Variants in PDE3B observed in about 807,000 individuals in gnomAD.
The protein encoded by PDE3B is cGMP-inhibited 3',5'-cyclic phosphodiesterase 3B.
PDE3B carries 66 observed loss-of-function variants against 116.8 expected under a neutral mutation model. The observed-to-expected ratio is 0.56, with a 90% confidence interval of 0.46 to 0.69. The LOEUF (loss-of-function observed/expected upper bound fraction) is 0.69, where lower values mean the gene tolerates loss of function less well. Ranked by LOEUF, PDE3B falls within the 30% of genes least tolerant of loss-of-function variation. PDE3B has a pLI of 0.00. For missense variants in PDE3B, 1,384 were observed against 1,368.1 expected (o/e 1.01, Z -0.18); for synonymous variants, 595 against 533.6 (o/e 1.12, Z -1.59).
At chr11:14,702,888 G>A (rs1319336254) in intron 1 of PDE3B, among the ~76,000 whole-genome samples, 1 of 151,846 alleles carries the variant, frequency 6.6e-6, no homozygotes, top group African/African-American at 2.4e-5. Flanking sequence ...TTGATTAAGA[G>A]TTGCTCCTAG....
intron 1 of PDE3B, among the ~76,000 whole-genome samples, chr11:14,714,428 T>A (rs1855810484): frequency 6.6e-6 from 1 of 151,388 alleles, no homozygotes. Context: ...TCGTCCCAGC[T>A]ACTCAGGGTA....
At chr11:14,730,920 G>A (rs2133853717) in intron 1 of PDE3B, among the ~76,000 whole-genome samples, 1 of 149,904 alleles carries the variant, frequency 6.7e-6, no homozygotes, top group East Asian at 1.9e-4. Flanking sequence ...CTGAATCATA[G>A]AGAGGTTAAG....
chr11:14,780,854 T>C (rs1406257302), intron 2 of PDE3B, among the ~76,000 whole-genome samples: 1 of 152,008 alleles, frequency 6.6e-6, no homozygotes, highest in Non-Finnish European at 1.5e-5. Context: ...AAAAAACCCT[T>C]CAAAAAATCA....
intron 1 of PDE3B, among the ~76,000 whole-genome samples, chr11:14,650,882 C>T (rs1448173469): frequency 6.6e-6 from 1 of 151,820 alleles, no homozygotes; most frequent in Admixed American, 6.6e-5. Context: ...ATTGAAGCCC[C>T]ACCAGCACCT....
At chr11:14,866,816 T>C (rs1471326214) in intron 14 of PDE3B, among the ~76,000 whole-genome samples, 1 of 152,204 alleles carries the variant, frequency 6.6e-6, no homozygotes, top group Non-Finnish European at 1.5e-5. Flanking sequence ...AACCTCATCA[T>C]AGCATCCCTA....
chr11:14,828,300 A>C (rs1859764842), intron 7 of PDE3B, among the ~76,000 whole-genome samples: 1 of 152,244 alleles, frequency 6.6e-6, no homozygotes. Context: ...CAATCATAAC[A>C]AAAGCAAAAC....
At chr11:14,651,263 G>C (rs951270945) in intron 1 of PDE3B, among the ~76,000 whole-genome samples, 1 of 152,128 alleles carries the variant, frequency 6.6e-6, no homozygotes, top group East Asian at 1.9e-4. Context: ...TGTTCACATA[G>C]TCTTTCCCTG....
At chr11:14,653,514 G>A (rs1420276441) in intron 1 of PDE3B, among the ~76,000 whole-genome samples, 2 of 151,580 alleles carry the variant, frequency 1.3e-5, no homozygotes, top group Non-Finnish European at 2.9e-5. Flanking sequence ...GCAGTGAGCC[G>A]ACATCATGCC....
chr11:14,688,646 G>A (rs1854958534), intron 1 of PDE3B, among the ~76,000 whole-genome samples: 1 of 152,088 alleles, frequency 6.6e-6, no homozygotes, highest in African/African-American at 2.4e-5. Context: ...TTGATAACTA[G>A]CACTCAGCCA....
intron 5 of PDE3B, among the ~76,000 whole-genome samples, chr11:14,816,501 A>G (rs1369440325): frequency 6.6e-6 from 1 of 152,248 alleles, no homozygotes; most frequent in African/African-American, 2.4e-5. Flanking sequence ...GGCACTCAGC[A>G]AAGGTTTCTG....
At chr11:14,868,379 C>T (rs1169201302) in intron 15 of PDE3B, among the ~76,000 whole-genome samples, 1 of 152,088 alleles carries the variant, frequency 6.6e-6, no homozygotes, top group Non-Finnish European at 1.5e-5. Context: ...GCACAACTTC[C>T]ATAGCAGCCT....
At chr11:14,832,994 A>T (rs1859942408) in intron 10 of PDE3B, among the ~76,000 whole-genome samples, 161 bp downstream of exon 10, 1 of 151,162 alleles carries the variant, frequency 6.6e-6, no homozygotes, top group African/African-American at 2.4e-5. Flanking sequence ...CTTGTCGTCC[A>T]GGCTGGAGTG....
intron 1 of PDE3B, among the ~76,000 whole-genome samples, chr11:14,702,543 C>T (rs1035087405): frequency 3.3e-5 from 5 of 151,738 alleles, no homozygotes; most frequent in Admixed American, 6.6e-5. Context: ...TGTGGGTTAT[C>T]GTTTGGAGCA....
chr11:14,880,464 G>A, the PDE3B span: 3 of 1,613,444 alleles, frequency 1.9e-6, no homozygotes, highest in East Asian at 2.2e-5. Flanking sequence ...AGAAGACTGA[G>A]GCACTGGCAG....
chr11:14,648,712 C>T lies in PDE3B; in HGVS notation c.978+3659C>T, dbSNP rs1020969145. On this transcript the variant is annotated intron_variant, in intron 1 of 15. Coordinates refer to ENST00000282096, the MANE Select transcript of PDE3B (RefSeq NM_000922.4). ...CACAGGATACTGTTCATGCCCTTGACCCTTGCTTGCAAAGTCCTTCATAAT... is the reference window on the plus strand; with the variant it reads ...CACAGGATACTGTTCATGCCCTTGATCCTTGCTTGCAAAGTCCTTCATAAT... 4.6e-5 allele frequency among the ~76,000 whole-genome samples: 7 copies of T among 152,044 alleles called. No individual in the cohort carries two copies. In the East Asian group the frequency reaches 5.8e-4, roughly 13 times the overall value.
chr11:14,790,526 A>G (rs1215060711), intron 4 of PDE3B, among the ~76,000 whole-genome samples: 1 of 152,086 alleles, frequency 6.6e-6, no homozygotes, highest in Non-Finnish European at 1.5e-5. Context: ...TTAAAGAAAC[A>G]TTTGATACAT....
intron 1 of PDE3B, among the ~76,000 whole-genome samples, chr11:14,767,625 T>C (rs1441958708): frequency 6.6e-6 from 1 of 151,474 alleles, no homozygotes; most frequent in Non-Finnish European, 1.5e-5. Flanking sequence ...GATGATTTGT[T>C]CTCTTTTAGA....
chr11:14,743,712 T>C (rs1224326851), intron 1 of PDE3B, among the ~76,000 whole-genome samples: 5 of 152,236 alleles, frequency 3.3e-5, no homozygotes, highest in Non-Finnish European at 7.3e-5. Context: ...GGGATTTTCC[T>C]GGTCTGCAGG....
chr11:14,794,260 G>T (rs1858479657), intron 4 of PDE3B, among the ~76,000 whole-genome samples: 1 of 151,942 alleles, frequency 6.6e-6, no homozygotes, highest in Non-Finnish European at 1.5e-5. Flanking sequence ...AGGCAAGCAA[G>T]CAATTCTGTA....
Sources: gnomAD v4.1 joint callset for allele counts (sites outside exome capture counted in the v4.1 genomes callset) on GRCh38, gnomAD v4.1.1 for gene constraint, MANE v1.5 for transcripts, NCBI Gene and HGNC (gene_info 2026-07-23, HGNC 2026-07-21) for gene names.